The following SATL1 variants were observed in gnomAD, a reference collection of about 807,000 sequenced individuals.
The protein encoded by SATL1 is spermidine/spermine N(1)-acetyltransferase-like protein 1.
SATL1 carries 47 observed loss-of-function variants against 51.8 expected under a neutral mutation model. That is an observed-to-expected ratio of 0.91 (90% CI 0.72 to 1.16). The LOEUF is 1.16. Among genes scored for constraint, SATL1 ranks in the 50% most tolerant of loss-of-function variants. The probability of loss-of-function intolerance (pLI) is 0.00; values close to 1 mark genes in which losing one functional copy is unlikely to be tolerated. For missense variants in SATL1, 520 were observed against 526.4 expected (o/e 0.99, Z 0.12); for synonymous variants, 176 against 182.4 (o/e 0.97, Z 0.28).
chrX:85,221,494 C>T (rs1301777625), intron 2 of SATL1, among the ~76,000 whole-genome samples: 1 of 111,878 alleles, frequency 8.9e-6, no homozygotes, highest in Admixed American at 9.5e-5. Flanking sequence ...TAACTAGGAA[C>T]AGTATATTTT....
chrX:85,228,927 C>G (rs1010218008), intron 1 of SATL1, among the ~76,000 whole-genome samples: 4 of 111,670 alleles, frequency 3.6e-5, no homozygotes, highest in African/African-American at 1.3e-4. Context: ...ATTTAACAAA[C>G]ATCGTGAACT....
At chrX:85,168,118 T>A (rs1434704391) in intron 2 of SATL1, among the ~76,000 whole-genome samples, 1 of 110,691 alleles carries the variant, frequency 9.0e-6, no homozygotes, top group Admixed American at 9.6e-5. Context: ...AAACTAGCTA[T>A]TGAAAGAATA....
chrX:85,138,168 C>T (rs1052669047), intron 2 of SATL1, among the ~76,000 whole-genome samples: 3 of 112,578 alleles, frequency 2.7e-5, no homozygotes, highest in Non-Finnish European at 5.6e-5. Context: ...GGTGCTTTGT[C>T]TCTTCAGACT....
At chrX:85,154,127 CTGG>C (rs1569238325) in intron 2 of SATL1, among the ~76,000 whole-genome samples, 8 of 111,773 alleles carry the variant, frequency 7.2e-5, no homozygotes, top group African/African-American at 2.6e-4. Flanking sequence ...AAAGTAAAAA[CTGG>C]AAAGTCACTT....
chrX:85,233,581 A>G (rs1479219514), intron 1 of SATL1, among the ~76,000 whole-genome samples: 1 of 112,170 alleles, frequency 8.9e-6, no homozygotes, highest in Non-Finnish European at 1.9e-5. Flanking sequence ...TAAATTTAAC[A>G]AAGAGGTTGA....
At chrX:85,118,750 T>A (rs776857134) in intron 2 of SATL1, among the ~76,000 whole-genome samples, 1 of 110,751 alleles carries the variant, frequency 9.0e-6, no homozygotes, top group African/African-American at 3.3e-5. Context: ...TCACTGGGAG[T>A]AGATTTTAAG....
chrX:85,155,120 T>C (rs1926554428), intron 2 of SATL1, among the ~76,000 whole-genome samples: 1 of 111,651 alleles, frequency 9.0e-6, no homozygotes, highest in African/African-American at 3.3e-5. Context: ...CTTTCAAGCA[T>C]CATGTGGTAT....
rs781307991 is a variant in SATL1 at position 85,149,998 on chromosome X, A to G, written c.-312-40718T>C. 2.7e-5 allele frequency among the ~76,000 whole-genome samples: 3 copies of G among 111,811 alleles called. No individual in the cohort carries two copies. In the South Asian group the frequency reaches 1.1e-3, roughly 42 times the overall value. On this transcript the variant is annotated intron_variant, in intron 2 of 7. Coordinates refer to ENST00000644105, the MANE Select transcript of SATL1 (RefSeq NM_001367857.2). The stretch of plus-strand genomic sequence containing the variant: ...ACTGAAAGAAATAGAAATACAAAAA[A>G]CCCTTCAAAAAATTAATGAATCCAG...
At chrX:85,217,658 T>C (rs867400694) in intron 2 of SATL1, among the ~76,000 whole-genome samples, 25 of 111,939 alleles carry the variant, frequency 2.2e-4, no homozygotes, top group African/African-American at 7.8e-4. Flanking sequence ...ATTGTTAAAG[T>C]TGCTCTCACT....
intron 2 of SATL1, among the ~76,000 whole-genome samples, chrX:85,160,309 C>T (rs1926690352): frequency 9.0e-6 from 1 of 111,179 alleles, no homozygotes; most frequent in Non-Finnish European, 1.9e-5. Context: ...CACTAGCTCT[C>T]CAGCAAGGGT....
chrX:85,193,984 G>A (rs191787163), intron 2 of SATL1, among the ~76,000 whole-genome samples: 244 of 111,850 alleles, frequency 2.2e-3, no homozygotes, highest in African/African-American at 7.6e-3. Flanking sequence ...AAACGTTTGT[G>A]TGCATGGGTC....
intron 2 of SATL1, among the ~76,000 whole-genome samples, chrX:85,158,704 T>C (rs191551221): frequency 1.0e-3 from 114 of 111,488 alleles, no homozygotes; most frequent in African/African-American, 3.6e-3. Flanking sequence ...CTGGTATGGC[T>C]TAACGAACAT....
At chrX:85,176,487 A>G (rs964683693) in intron 2 of SATL1, among the ~76,000 whole-genome samples, 1 of 111,654 alleles carries the variant, frequency 9.0e-6, no homozygotes, top group African/African-American at 3.2e-5. Context: ...GGTTAAATAA[A>G]TCTATCGTAC....
At chrX:85,198,612 T>A (rs921997788) in intron 2 of SATL1, among the ~76,000 whole-genome samples, 8 of 111,239 alleles carry the variant, frequency 7.2e-5, no homozygotes, top group Admixed American at 9.6e-5. Context: ...TTTATTTTAA[T>A]TTTTGTGGGT....
chrX:85,208,565 G>A (rs1927839392), intron 2 of SATL1, among the ~76,000 whole-genome samples: 2 of 111,596 alleles, frequency 1.8e-5, no homozygotes, highest in African/African-American at 3.3e-5. Context: ...AGCATATGTT[G>A]TTTCCTGACT....
intron 2 of SATL1, among the ~76,000 whole-genome samples, chrX:85,214,733 C>T (rs933104445): frequency 9.0e-6 from 1 of 111,477 alleles, no homozygotes; most frequent in African/African-American, 3.3e-5. Context: ...GTAAATATTC[C>T]CATTCCAAAA....
At chrX:85,128,680 T>C (rs1925693952) in intron 2 of SATL1, among the ~76,000 whole-genome samples, 1 of 112,168 alleles carries the variant, frequency 8.9e-6, no homozygotes, top group African/African-American at 3.2e-5. Flanking sequence ...TTTCGGCTTT[T>C]GTTGCCATTG....
chrX:85,093,313 CTG>C (rs1924585703), intron 6 of SATL1, 88 bp from the exon 7 acceptor site: 1 of 899,961 alleles, frequency 1.1e-6, no homozygotes, highest in Non-Finnish European at 1.5e-6. Flanking sequence ...ATCTAAAACT[CTG>C]TATCTGTTTT....
At chrX:85,176,770 G>A (rs928427833) in intron 2 of SATL1, among the ~76,000 whole-genome samples, 4 of 110,597 alleles carry the variant, frequency 3.6e-5, no homozygotes, top group Admixed American at 9.7e-5. Flanking sequence ...AAGATAAGTC[G>A]GAAAAAATTT....
Sources: allele counts gnomAD v4.1 joint callset (sites outside exome capture counted in the v4.1 genomes callset), GRCh38; gene constraint gnomAD v4.1.1; transcripts MANE v1.5; gene names NCBI Gene and HGNC (gene_info 2026-07-23, HGNC 2026-07-21).